ARHGAP28: variants seen among roughly 807,000 people sequenced by gnomAD.
ARHGAP28 encodes rho GTPase-activating protein 28.
A neutral mutation model predicts 90.7 loss-of-function variants in ARHGAP28; 56 were observed. The ratio of observed to expected loss-of-function variants is 0.62; its 90% CI spans 0.50 to 0.77. The LOEUF is 0.77. ARHGAP28 is among the 30% of genes least tolerant of loss of function. The pLI, the probability that ARHGAP28 is intolerant of heterozygous loss-of-function variation, is 0.00. For synonymous variants in ARHGAP28, 308 were observed against 323.3 expected (o/e 0.95, Z 0.51); for missense variants, 869 against 900.9 (o/e 0.96, Z 0.45).
intron 1 of ARHGAP28, among the ~76,000 whole-genome samples, chr18:6,806,052 T>C (rs969556643): frequency 1.3e-5 from 2 of 151,670 alleles, no homozygotes; most frequent in Admixed American, 1.3e-4. Flanking sequence ...GACTGGCTAA[T>C]TGTTTTGTTT....
intron 1 of ARHGAP28, among the ~76,000 whole-genome samples, chr18:6,757,145 C>T (rs527579297): frequency 5.3e-5 from 8 of 152,276 alleles, no homozygotes; most frequent in South Asian, 2.1e-4. Flanking sequence ...TCTTTCTAAC[C>T]GTTTGCAAAG....
chr18:6,770,013 C>T (rs1052738410), intron 1 of ARHGAP28, among the ~76,000 whole-genome samples: 2 of 152,144 alleles, frequency 1.3e-5, no homozygotes, highest in African/African-American at 4.8e-5. Context: ...TTATTCCTAA[C>T]AAATCATAGT....
chr18:6,825,165 C>T (rs1172086387), intron 2 of ARHGAP28, among the ~76,000 whole-genome samples: 1 of 152,070 alleles, frequency 6.6e-6, no homozygotes, highest in Admixed American at 6.5e-5. Context: ...GGTGACATGA[C>T]CCAAGGAGGG....
intron 2 of ARHGAP28, among the ~76,000 whole-genome samples, chr18:6,827,218 G>A (rs1479040868): frequency 6.6e-6 from 1 of 152,180 alleles, no homozygotes; most frequent in East Asian, 1.9e-4. Context: ...CTCCCAGACA[G>A]GGTGGTGGCC....
chr18:6,778,934 T>G (rs1323064495), intron 1 of ARHGAP28: 1 of 152,210 alleles, frequency 6.6e-6, no homozygotes. Flanking sequence ...TATTCCTCCC[T>G]TCATCTTACA....
intron 4 of ARHGAP28, among the ~76,000 whole-genome samples, chr18:6,854,157 C>T (rs760678778): frequency 1.5e-4 from 23 of 152,130 alleles, no homozygotes; most frequent in Middle Eastern, 6.8e-3. Flanking sequence ...AGGAAACCTT[C>T]GATCTCCTGG....
At chr18:6,778,041 C>G (rs2056298596) in intron 1 of ARHGAP28, among the ~76,000 whole-genome samples, 1 of 152,166 alleles carries the variant, frequency 6.6e-6, no homozygotes, top group Admixed American at 6.5e-5. Flanking sequence ...CTAGCAAAGC[C>G]ATTAGCTCTT....
chr18:6,832,833 C>T (rs971528), intron 2 of ARHGAP28, among the ~76,000 whole-genome samples: 5,139 of 152,110 alleles, frequency 0.034, 273 homozygotes, highest in African/African-American at 0.11. Context: ...TCTATGCTTA[C>T]ATTTCAGCTA....
chr18:6,747,575 G>A (rs1326023520), intron 1 of ARHGAP28, among the ~76,000 whole-genome samples: 7 of 152,144 alleles, frequency 4.6e-5, no homozygotes, highest in Admixed American at 6.5e-5. Context: ...ATAGTCTATT[G>A]AAGTAATTAA....
intron 1 of ARHGAP28, among the ~76,000 whole-genome samples, chr18:6,772,593 C>G (rs994414782): frequency 1.3e-5 from 2 of 152,208 alleles, no homozygotes; most frequent in Admixed American, 1.3e-4. Context: ...GAGGATTTAA[C>G]GAACTATATG....
rs913460452 is a variant in ARHGAP28 at position 6,868,228 on chromosome 18, A to G, written c.805A>G (p.Ile269Val). The G allele has an allele frequency of 1.9e-6, 3 of 1,613,902 alleles. No individual in the cohort carries two copies. The highest frequency in any genetic ancestry group is 3.3e-5 in the Admixed American group (2 of 60,006). ...GCCTGGACAGCCAGTTCAGAATGCG[A>G]TAAGTGGTGAGCGGCATGCCTCCTG... The part of the protein sequence containing the change: ...PEPGQPVQNA[I>V]SDDDFLEKNI... Residue 269 changes from isoleucine (I) to valine (V), a missense_variant, in exon 6 of 18, where the codon ATA becomes GTA. Transcript: ENST00000383472.
intron 6 of ARHGAP28, among the ~76,000 whole-genome samples, chr18:6,869,739 C>T (rs556845335): frequency 4.1e-4 from 62 of 152,070 alleles, no homozygotes; most frequent in African/African-American, 1.4e-3. Context: ...CTTGGTAGTC[C>T]CCTAGTCAGT....
chr18:6,764,739 A>G (rs2056187288), intron 1 of ARHGAP28, among the ~76,000 whole-genome samples: 1 of 152,198 alleles, frequency 6.6e-6, no homozygotes, highest in South Asian at 2.1e-4. Context: ...TCTGCATCTT[A>G]TCCCTATGAT....
At chr18:6,868,688 G>A (rs1223754103) in intron 6 of ARHGAP28, among the ~76,000 whole-genome samples, 1 of 151,970 alleles carries the variant, frequency 6.6e-6, no homozygotes, top group African/African-American at 2.4e-5. Context: ...GATGGGCTAG[G>A]TATGGAATCT....
chr18:6,754,318 A>G (rs528787994), intron 1 of ARHGAP28, among the ~76,000 whole-genome samples: 3 of 152,312 alleles, frequency 2.0e-5, no homozygotes, highest in Admixed American at 6.5e-5. Flanking sequence ...ATTAAACTGT[A>G]TTTGGATAAG....
At position 6,912,850 on chromosome 18, in the gene ARHGAP28, G is replaced by A. The variant is rs1311089882; in HGVS notation, c.*696G>A. ...TAAAGCATATTCTTCTATGAGCACAGGTCCTCCTAGTGAAGCTTAGTTTGA... is the reference window on the plus strand; with the variant it reads ...TAAAGCATATTCTTCTATGAGCACAAGTCCTCCTAGTGAAGCTTAGTTTGA... On this transcript the variant is annotated 3_prime_UTR_variant, in exon 18 of 18. Transcript: ENST00000383472. The A allele has an allele frequency of 6.6e-5, 10 of 152,214 alleles. No homozygotes were observed. Among genetic ancestry groups the A allele is most frequent in the Non-Finnish European group, 1.2e-4 (8 of 68,038 alleles). The allele number at this position is 152,214 out of a possible 1,614,324, so 9.4% of individuals were successfully genotyped here. A position where few individuals can be genotyped will look rare whatever the true frequency, so the allele number is the denominator to read the frequency against.
chr18:6,835,972 A>G (rs1486354213), intron 2 of ARHGAP28: 1 of 151,972 alleles, frequency 6.6e-6, no homozygotes, highest in Non-Finnish European at 1.5e-5. Context: ...CTATAAACTA[A>G]CCCTGCTCTG....
intron 2 of ARHGAP28, among the ~76,000 whole-genome samples, chr18:6,828,550 T>C (rs1030342589): frequency 6.6e-6 from 1 of 152,214 alleles, no homozygotes; most frequent in Non-Finnish European, 1.5e-5. Context: ...ATTTTTATAG[T>C]TTGAGGTCTT....
intron 1 of ARHGAP28, among the ~76,000 whole-genome samples, chr18:6,800,613 A>T (rs980600965): frequency 4.6e-5 from 7 of 152,192 alleles, no homozygotes; most frequent in Admixed American, 3.9e-4. Context: ...ACAAGAACAG[A>T]AAACCAAACA....
Sources: allele counts gnomAD v4.1 joint callset (sites outside exome capture counted in the v4.1 genomes callset), GRCh38; gene constraint gnomAD v4.1.1; transcripts MANE v1.5; gene names NCBI Gene and HGNC (gene_info 2026-07-23, HGNC 2026-07-21).